The following ERC2 variants were observed in gnomAD, a reference collection of about 807,000 sequenced individuals.
ERC2 encodes ELKS/RAB6-interacting/CAST family member 2, also known as ERC protein 2.
In ERC2, 42 loss-of-function variants were observed where a neutral mutation model predicts 114.8. That is an observed-to-expected ratio of 0.37 (90% CI 0.29 to 0.47). The LOEUF is 0.47. ERC2 is among the 20% of genes least tolerant of loss of function. The pLI, the probability that ERC2 is intolerant of heterozygous loss-of-function variation, is 0.99. For missense variants in ERC2, 939 were observed against 1,150.7 expected, an observed-to-expected ratio of 0.82 and a Z score of 2.66; for synonymous variants, 454 against 425.5, an observed-to-expected ratio of 1.07 and a Z score of -0.82.
At chr3:55,960,598 C>T (rs2068290629) in intron 12 of ERC2, among the ~76,000 whole-genome samples, 1 of 152,122 alleles carries the variant, frequency 6.6e-6, no homozygotes, top group Non-Finnish European at 1.5e-5. Flanking sequence ...ATTTTGAATT[C>T]CTTATGGACT....
At chr3:55,526,694 C>T (rs541563809) in intron 17 of ERC2, among the ~76,000 whole-genome samples, 1 of 152,304 alleles carries the variant, frequency 6.6e-6, no homozygotes, top group Admixed American at 6.5e-5. Context: ...CCAGGAGGGA[C>T]AAAAGTCCCA....
intron 14 of ERC2, among the ~76,000 whole-genome samples, chr3:55,798,414 T>C (rs1038779764): frequency 7.2e-5 from 11 of 151,848 alleles, no homozygotes; most frequent in African/African-American, 2.2e-4. Context: ...CTGGCTAACA[T>C]GGTGAAACCC....
chr3:55,940,868 T>G (rs968396601), intron 13 of ERC2, among the ~76,000 whole-genome samples: 1 of 152,314 alleles, frequency 6.6e-6, no homozygotes, highest in Non-Finnish European at 1.5e-5. Flanking sequence ...AATTTTTCTA[T>G]GTTTTTGGAG....
chr3:55,529,848 T>A (rs1477449694), intron 17 of ERC2, among the ~76,000 whole-genome samples: 1 of 152,226 alleles, frequency 6.6e-6, no homozygotes, highest in African/African-American at 2.4e-5. Context: ...GGCTGACTAC[T>A]GTGATTCAAG....
chr3:56,191,869 C>T (rs1575760514), intron 3 of ERC2, among the ~76,000 whole-genome samples: 2 of 152,194 alleles, frequency 1.3e-5, no homozygotes, highest in South Asian at 4.1e-4. Flanking sequence ...GCCACACACA[C>T]ACACACCTGT....
rs75898504 is a variant in ERC2, at chr3:56,296,035, T to A, written c.1058A>T (p.Asn353Ile). The change falls in exon 3 of 18, where the codon AAC (asparagine) becomes ATC (isoleucine). Residue 353 changes from asparagine (N) to isoleucine (I), a missense_variant. This residue lies in a region of ERC2 where 148 missense variants were observed against 159.1 expected (regional missense o/e 0.93). Transcript: ENST00000288221. ...EVILDQKEKE[N>I]IHLREELHRR... ...TGCTCTTACCTCTCTAAGATGTATGTTTTCCTTCTCTTTCTGATCTAAAAT... is the reference window on the plus strand; with the variant it reads ...TGCTCTTACCTCTCTAAGATGTATGATTTCCTTCTCTTTCTGATCTAAAAT... The A allele has an allele frequency of 0.014, 22,585 of 1,595,980 alleles. 214 individuals carry two copies. The highest frequency in any genetic ancestry group is 0.017 in the Non-Finnish European group (20,341 of 1,169,728).
chr3:56,346,799 T>C (rs1426331569), intron 2 of ERC2, among the ~76,000 whole-genome samples: 2 of 152,136 alleles, frequency 1.3e-5, no homozygotes, highest in East Asian at 1.9e-4. Context: ...GGACGTCCAA[T>C]ATGTAGAGGC....
rs141038585 is a variant in ERC2, at chr3:55,639,795, T to C, written c.*39+43999A>G. On this transcript the variant is annotated intron_variant, in intron 17 of 17. Transcript: ENST00000288221. The stretch of plus-strand genomic sequence containing the variant: ...ATGTGTGCGTGTGGGCACACGCACA[T>C]GTGCATGCACACATGTTTAATTTTC... Among the ~76,000 whole-genome samples the C allele has an allele frequency of 2.6e-3, 400 of 152,342 alleles. 2 individuals carry two copies. The highest frequency in any genetic ancestry group is 9.5e-3 in the African/African-American group (395 of 41,578).
intron 3 of ERC2, among the ~76,000 whole-genome samples, chr3:56,206,627 T>C (rs1185949352): frequency 6.6e-6 from 1 of 152,192 alleles, no homozygotes; most frequent in East Asian, 1.9e-4. Context: ...GTACTATATG[T>C]GATTTGCTGA....
chr3:55,813,439 T>G (rs1255050528), intron 14 of ERC2, among the ~76,000 whole-genome samples: 1 of 152,190 alleles, frequency 6.6e-6, no homozygotes, highest in African/African-American at 2.4e-5. Context: ...GCCTACATGA[T>G]TGCAGAATCA....
chr3:56,249,704 G>A (rs1299800876), intron 3 of ERC2, among the ~76,000 whole-genome samples: 2 of 152,076 alleles, frequency 1.3e-5, no homozygotes, highest in African/African-American at 4.8e-5. Flanking sequence ...CACACTACAG[G>A]TTGCTGTGAG....
intron 17 of ERC2, among the ~76,000 whole-genome samples, chr3:55,629,402 A>C (rs2059653719): frequency 6.6e-6 from 1 of 152,238 alleles, no homozygotes; most frequent in South Asian, 2.1e-4. Flanking sequence ...AAACACATTG[A>C]AACTTACAGT....
At chr3:56,360,453 A>G (rs908980796) in intron 2 of ERC2, among the ~76,000 whole-genome samples, 1 of 152,180 alleles carries the variant, frequency 6.6e-6, no homozygotes, top group African/African-American at 2.4e-5. Flanking sequence ...ATGGGAAGGA[A>G]AGACAAAAGC....
Position 55,745,183 on chromosome 3 carries a change from T to C in ERC2, c.2565-10265A>G, listed in dbSNP as rs1263428518. Among the ~76,000 whole-genome samples the C allele has an allele frequency of 3.3e-5, 5 of 152,330 alleles. No individual in the cohort carries two copies. The East Asian group carries it at 9.6e-4, about 29-fold the overall frequency. ...AGAAAACAGACTTTGGAGAGGAGTC[T>C]GCTGACCACAGAAGAGTTGCATCCC... On this transcript the variant is annotated intron_variant, in intron 14 of 17. Transcript: ENST00000288221.
chr3:55,702,579 C>T lies in ERC2; in HGVS notation c.2713-3067G>A, dbSNP rs114580600. Among the ~76,000 whole-genome samples the T allele has an allele frequency of 6.4e-3, 969 of 152,126 alleles. 8 individuals carry two copies. Among genetic ancestry groups the T allele is most frequent in the African/African-American group, 0.022 (904 of 41,474 alleles). Reference sequence around the variant, plus strand: ...AGTCTGCACTATCTAGCTTCATCCCCACCCAATTATACCGGTTTACACATA... The same window carrying T: ...AGTCTGCACTATCTAGCTTCATCCCTACCCAATTATACCGGTTTACACATA... On this transcript the variant is annotated intron_variant, in intron 15 of 17. Transcript: ENST00000288221.
rs563024620 is a variant in ERC2, at chr3:55,647,581, AAGAG to A, written c.*39+36209_*39+36212del. 1.7e-3 allele frequency among the ~76,000 whole-genome samples: 259 copies of A among 152,154 alleles called. 1 individual carries two copies. The highest frequency in any genetic ancestry group is 5.3e-3 in the African/African-American group (220 of 41,504). On this transcript the variant is annotated intron_variant, in intron 17 of 17. Transcript: ENST00000288221. The stretch of plus-strand genomic sequence containing the variant: ...GCTCTGAGCCAAGGAAAATTAAAAA[AAGAG>A]AGAGAGAGAGACAGAGATAGCACAT...
chr3:56,266,039 A>G (rs1305841081), intron 3 of ERC2, among the ~76,000 whole-genome samples: 1 of 21,824 alleles, frequency 4.6e-5, no homozygotes, highest in East Asian at 5.8e-4. Flanking sequence ...AAAAAATAAA[A>G]TAAAATAAAA....
intron 17 of ERC2, among the ~76,000 whole-genome samples, chr3:55,518,121 C>A (rs1466760420): frequency 1.3e-5 from 2 of 151,980 alleles, no homozygotes; most frequent in Admixed American, 1.3e-4. Flanking sequence ...GTCATGCAAT[C>A]AAAAATGTCT....
At chr3:55,785,830 C>T (rs2069441710) in intron 14 of ERC2, among the ~76,000 whole-genome samples, 1 of 152,228 alleles carries the variant, frequency 6.6e-6, no homozygotes, top group Non-Finnish European at 1.5e-5. Context: ...TTCTTTAACA[C>T]ATCAAGGTCA....
Sources: allele counts gnomAD v4.1 joint callset (sites outside exome capture counted in the v4.1 genomes callset), GRCh38; gene constraint gnomAD v4.1.1; regional missense constraint gnomAD v4.1.1; transcripts MANE v1.5; gene names NCBI Gene and HGNC (gene_info 2026-07-23, HGNC 2026-07-21).